The following FER variants were observed in gnomAD, a reference collection of about 807,000 sequenced individuals.
FER encodes the protein tyrosine-protein kinase Fer.
Under a neutral mutation model 111.0 loss-of-function variants are expected in FER, and 63 were observed. The observed-to-expected ratio is 0.57, with a 90% CI of 0.46 to 0.70. FER has a LOEUF of 0.70. Ranked by LOEUF, FER falls within the 30% of genes least tolerant of loss-of-function variation. The pLI is 0.00. For missense variants in FER, 914 were observed against 954.0 expected (o/e 0.96, Z 0.55); for synonymous variants, 327 against 313.9 (o/e 1.04, Z -0.44).
chr5:108,846,301 G>A (rs577130960), intron 5 of FER, among the ~76,000 whole-genome samples: 2 of 152,130 alleles, frequency 1.3e-5, no homozygotes, highest in African/African-American at 4.8e-5. Flanking sequence ...AGCCCAGTAT[G>A]GTGGCATGTG....
At chr5:109,152,760 T>C (rs1432968311) in intron 17 of FER, among the ~76,000 whole-genome samples, 1 of 151,962 alleles carries the variant, frequency 6.6e-6, no homozygotes, top group African/African-American at 2.4e-5. Flanking sequence ...CAAAGCCCTT[T>C]CAGGGGACTT....
chr5:109,075,056 C>G (rs1554131953), intron 16 of FER, among the ~76,000 whole-genome samples: 1 of 152,118 alleles, frequency 6.6e-6, no homozygotes, highest in Non-Finnish European at 1.5e-5. Flanking sequence ...CATCAAAATT[C>G]TGTGTGTATA....
At chr5:108,836,805 C>T (rs1760712634) in intron 5 of FER, among the ~76,000 whole-genome samples, 1 of 151,726 alleles carries the variant, frequency 6.6e-6, no homozygotes, top group South Asian at 2.1e-4. Context: ...CTCCTTTTCC[C>T]CTCTTCTTTA....
At chr5:108,962,710 A>G (rs1021743292) in intron 13 of FER, among the ~76,000 whole-genome samples, 1 of 152,194 alleles carries the variant, frequency 6.6e-6, no homozygotes, top group African/African-American at 2.4e-5. Context: ...ATTTAACCTC[A>G]CATATTCCTA....
At chr5:108,839,872 C>T (rs955072849) in intron 5 of FER, among the ~76,000 whole-genome samples, 7 of 152,100 alleles carry the variant, frequency 4.6e-5, no homozygotes, top group Admixed American at 2.0e-4. Flanking sequence ...CCACCGCGTC[C>T]GGCCATCCCA....
In FER at chr5:109,000,848, A is replaced by G. The variant is rs142358418; in HGVS notation, c.1657-36574A>G. On this transcript the variant is annotated intron_variant, in intron 13 of 19. Coordinates refer to ENST00000281092, the MANE Select transcript of FER (RefSeq NM_005246.4). ...TCACCACCTGTCCCACAGAAATACAAACTACCATCATAGAATACTATAAAC... is the reference window on the plus strand; with the variant it reads ...TCACCACCTGTCCCACAGAAATACAGACTACCATCATAGAATACTATAAAC... 1.0e-2 allele frequency among the ~76,000 whole-genome samples: 1,519 copies of G among 152,314 alleles called. 21 individuals are homozygous for G. The highest frequency in any genetic ancestry group is 0.035 in the African/African-American group (1,448 of 41,576).
At chr5:108,959,132 GTTTT>G in intron 12 of FER, 89 bp from the exon 13 acceptor site, 1 of 1,342,080 alleles carries the variant, frequency 7.5e-7, no homozygotes, top group Non-Finnish European at 1.0e-6. Flanking sequence ...TGCAATTATA[GTTTT>G]TTTAAGAAAG....
rs200094948 is a variant in FER, at chr5:109,138,261, AT to A, written c.2048+37750del. On this transcript the variant is annotated intron_variant, in intron 17 of 19. Coordinates refer to ENST00000281092, the MANE Select transcript of FER (RefSeq NM_005246.4). The stretch of plus-strand genomic sequence containing the variant: ...GTTTCATAATTCATATTATTATCTT[AT>A]TTTTTTTGTAGTGGGAATTATCAAA... 2.4e-4 allele frequency among the ~76,000 whole-genome samples: 36 copies of A among 152,048 alleles called. No individual in the cohort carries two copies. In the East Asian group the frequency reaches 5.2e-3, roughly 22 times the overall value.
chr5:108,794,841 T>C (rs980087712), intron 2 of FER, among the ~76,000 whole-genome samples: 4 of 152,244 alleles, frequency 2.6e-5, no homozygotes, highest in African/African-American at 9.6e-5. Flanking sequence ...CTTTGGGAGT[T>C]TGATTATTAA....
intron 17 of FER, among the ~76,000 whole-genome samples, chr5:109,160,489 T>C (rs547126374): frequency 6.6e-6 from 1 of 152,296 alleles, no homozygotes; most frequent in South Asian, 2.1e-4. Context: ...AAGCATCCAG[T>C]CGTAACTTGC....
intron 5 of FER, among the ~76,000 whole-genome samples, chr5:108,866,613 T>C (rs1185221222): frequency 6.6e-6 from 1 of 151,678 alleles, no homozygotes; most frequent in Non-Finnish European, 1.5e-5. Flanking sequence ...TAGAAACTGA[T>C]GCCTTGACAC....
chr5:108,998,569 G>T (rs550195552), intron 13 of FER, among the ~76,000 whole-genome samples: 1 of 152,118 alleles, frequency 6.6e-6, no homozygotes, highest in African/African-American at 2.4e-5. Flanking sequence ...CTGCAGACTG[G>T]AGCTGTTCCT....
Position 109,187,517 on chromosome 5 carries a change from G to T in FER, c.2411G>T (p.Arg804Leu), listed in dbSNP as rs754420371. 4.3e-6 allele frequency: 7 copies of T among 1,613,806 alleles called. No homozygotes were observed. The highest frequency in any genetic ancestry group is 5.9e-6 in the Non-Finnish European group (7 of 1,179,978). Reference protein sequence around the residue: ...MKCWDYKPENRPKFSELQKEL... With the variant: ...MKCWDYKPENLPKFSELQKEL... Reference sequence around the variant, plus strand: ...TGTTGGGATTATAAACCTGAAAATCGCCCTAAGTTCAGTGAACTTCAGAAA... The same window carrying T: ...TGTTGGGATTATAAACCTGAAAATCTCCCTAAGTTCAGTGAACTTCAGAAA... The change falls in exon 20 of 20, where the codon CGC (arginine) becomes CTC (leucine). Residue 804 changes from arginine (R) to leucine (L), a missense_variant. By Grantham distance (102) the Arg-to-Leu change is moderately radical. This residue lies in a region of FER where 134 missense variants were observed against 149.4 expected (regional missense o/e 0.90). Coordinates refer to ENST00000281092, the MANE Select transcript of FER (RefSeq NM_005246.4).
intron 5 of FER, among the ~76,000 whole-genome samples, chr5:108,859,071 C>G (rs569373166): frequency 1.3e-5 from 2 of 152,122 alleles, no homozygotes; most frequent in Admixed American, 1.3e-4. Flanking sequence ...TAGATATTGC[C>G]AAATTTCCTT....
At chr5:109,073,895 T>TA (rs955705795) in intron 16 of FER, among the ~76,000 whole-genome samples, 3 of 152,120 alleles carry the variant, frequency 2.0e-5, no homozygotes, top group Non-Finnish European at 4.4e-5. Flanking sequence ...CTCTTAATAA[T>TA]AAAAAAATAC....
intron 13 of FER, among the ~76,000 whole-genome samples, chr5:108,963,242 G>T (rs1056840179): frequency 6.6e-6 from 1 of 151,992 alleles, no homozygotes; most frequent in Non-Finnish European, 1.5e-5. Context: ...TTTCTGAATC[G>T]AAGGTAAAGC....
chr5:108,954,943 A>G lies in FER; in HGVS notation c.1533+11A>G, dbSNP rs1315663190. 1.3e-6 allele frequency: 2 copies of G among 1,595,488 alleles called. No individual in the cohort carries two copies. Among genetic ancestry groups the G allele is most frequent in the Non-Finnish European group, 1.7e-6 (2 of 1,169,132 alleles). ...ATACAATATGTTGATGTACGTTTCCAGTTTAGTTCATATGTATATTTTGAT... is the reference window on the plus strand; with the variant it reads ...ATACAATATGTTGATGTACGTTTCCGGTTTAGTTCATATGTATATTTTGAT... On this transcript the variant is annotated intron_variant, in intron 12 of 19. Transcript: ENST00000281092.
intron 2 of FER, among the ~76,000 whole-genome samples, chr5:108,791,330 T>C (rs1755348302): frequency 6.6e-6 from 1 of 152,174 alleles, no homozygotes; most frequent in Admixed American, 6.5e-5. Flanking sequence ...ATTAGAGACA[T>C]TCTAATGGTG....
chr5:108,950,207 T>A (rs1321873718), intron 11 of FER, among the ~76,000 whole-genome samples: 1 of 152,220 alleles, frequency 6.6e-6, no homozygotes, highest in South Asian at 2.1e-4. Flanking sequence ...CTTAGTTGTC[T>A]ATTTTTGTTT....
Sources: allele counts gnomAD v4.1 joint callset (sites outside exome capture counted in the v4.1 genomes callset), GRCh38; gene constraint gnomAD v4.1.1; regional missense constraint gnomAD v4.1.1; transcripts MANE v1.5; gene names NCBI Gene and HGNC (gene_info 2026-07-23, HGNC 2026-07-21).